The following C8orf34 variants were observed in gnomAD, a reference collection of about 807,000 sequenced individuals.
C8orf34 encodes the protein chromosome 8 open reading frame 34, also known as uncharacterized protein C8orf34.
In C8orf34, 65 loss-of-function variants were observed where a neutral mutation model predicts 68.3. The observed-to-expected ratio is 0.95, with a 90% CI of 0.78 to 1.17. The LOEUF (loss-of-function observed/expected upper bound fraction) is 1.17. C8orf34 is among the 50% of genes most tolerant of loss of function. The pLI is 0.00. For missense variants in C8orf34, 664 were observed against 655.4 expected (o/e 1.01, Z -0.14); for synonymous variants, 244 against 241.2 (o/e 1.01, Z -0.11).
chr8:68,330,620 A>T (rs1262733394), upstream of C8orf34: 1 of 177,872 alleles, frequency 5.6e-6, no homozygotes, highest in Non-Finnish European at 1.2e-5. Flanking sequence ...GCTGCCAAGG[A>T]GTAGCCAACA....
rs1314388475 is a variant in C8orf34 at position 68,787,561 on chromosome 8, A to G, written c.1549+25A>G. ...CGTGAGTAGACACTATTGTTTATTGACAAATTTCTTTTACCAGAAGGAAAT... is the reference window on the plus strand; with the variant it reads ...CGTGAGTAGACACTATTGTTTATTGGCAAATTTCTTTTACCAGAAGGAAAT... On this transcript the variant is annotated intron_variant, in intron 12 of 13. Coordinates refer to ENST00000518698, the MANE Select transcript of C8orf34 (RefSeq NM_052958.4). 5.3e-6 allele frequency: 8 copies of G among 1,515,500 alleles called. No individual in the cohort carries two copies. The African/African-American group carries it at 9.7e-5, about 18-fold the overall frequency. The allele number at this position is 1,515,500 out of a possible 1,614,324, so 93.9% of individuals were successfully genotyped here. A position where few individuals can be genotyped will look rare whatever the true frequency, so the allele number is the denominator to read the frequency against.
intron 5 of C8orf34, among the ~76,000 whole-genome samples, chr8:68,498,554 G>A (rs1282358323): frequency 3.9e-5 from 6 of 152,080 alleles, no homozygotes; most frequent in African/African-American, 1.2e-4. Context: ...TTTAGTAATC[G>A]TGTTGTTAAT....
At chr8:68,349,309 A>G (rs183941341) in intron 1 of C8orf34, among the ~76,000 whole-genome samples, 70 of 152,236 alleles carry the variant, frequency 4.6e-4, no homozygotes, top group African/African-American at 1.6e-3. Context: ...CCAGCTTTGC[A>G]TCCTAGGGAT....
intron 3 of C8orf34, among the ~76,000 whole-genome samples, chr8:68,451,292 G>A (rs899483518): frequency 3.9e-5 from 6 of 152,054 alleles, no homozygotes; most frequent in Non-Finnish European, 8.8e-5. Flanking sequence ...TCAGCAATAA[G>A]CTTCTTTCAC....
intron 8 of C8orf34, chr8:68,695,559 T>A (rs768888198): frequency 2.6e-5 from 4 of 152,162 alleles, no homozygotes; most frequent in African/African-American, 4.8e-5. Context: ...TCTGGGCTAC[T>A]GAAATACAGA....
intron 1 of C8orf34, among the ~76,000 whole-genome samples, chr8:68,431,688 A>G (rs1806229902): frequency 6.6e-6 from 1 of 152,232 alleles, no homozygotes; most frequent in African/African-American, 2.4e-5. Flanking sequence ...ACCTGAGAAG[A>G]CATCTCTGTA....
At chr8:68,721,478 C>G in intron 10 of C8orf34, 41 bp downstream of exon 10, 1 of 1,310,008 alleles carries the variant, frequency 7.6e-7, no homozygotes, top group South Asian at 1.3e-5. Context: ...ATTGCTAAAA[C>G]TAATTTAAAT....
chr8:68,401,144 A>T (rs940740451), intron 1 of C8orf34, among the ~76,000 whole-genome samples: 2 of 150,000 alleles, frequency 1.3e-5, no homozygotes. Flanking sequence ...GCTATTGTAA[A>T]TGTGAATGCC....
intron 11 of C8orf34, among the ~76,000 whole-genome samples, chr8:68,787,171 T>A (rs529282012): frequency 3.9e-5 from 6 of 152,334 alleles, no homozygotes; most frequent in South Asian, 4.1e-4. Context: ...AGTGTCAACA[T>A]TTCCATAAAA....
rs56249389 is a variant in C8orf34, at chr8:68,448,974, C to T, written c.607+2514C>T. On this transcript the variant is annotated intron_variant, in intron 3 of 13. Transcript: ENST00000518698. ...GACATCATAATACTAAAGCGTTATG[C>T]ACCCAATAACAGAAGTTTCTCAATA... Among the ~76,000 whole-genome samples, 717 of 152,102 alleles carry T rather than the reference C, an allele frequency of 4.7e-3. 3 individuals are homozygous for T. The highest frequency in any genetic ancestry group is 0.031 in the Middle Eastern group (9 of 294).
At chr8:68,727,205 G>T (rs1288238343) in intron 10 of C8orf34, among the ~76,000 whole-genome samples, 1 of 152,154 alleles carries the variant, frequency 6.6e-6, no homozygotes, top group East Asian at 1.9e-4. Flanking sequence ...AAACAAAGGG[G>T]TTACAGGGCC....
intron 12 of C8orf34, among the ~76,000 whole-genome samples, chr8:68,796,152 G>A (rs1259739021): frequency 6.6e-6 from 1 of 152,144 alleles, no homozygotes; most frequent in Non-Finnish European, 1.5e-5. Flanking sequence ...TTGACATACG[G>A]CAAGTTAAAA....
intron 1 of C8orf34, among the ~76,000 whole-genome samples, chr8:68,358,825 C>T (rs1280500349): frequency 6.6e-6 from 1 of 151,876 alleles, no homozygotes; most frequent in African/African-American, 2.4e-5. Flanking sequence ...TGTGCCTCAG[C>T]CTCCTGAGTG....
intron 7 of C8orf34, among the ~76,000 whole-genome samples, chr8:68,624,544 A>G (rs889836749): frequency 1.3e-5 from 2 of 152,154 alleles, no homozygotes; most frequent in Non-Finnish European, 2.9e-5. Context: ...AACCCTTTAG[A>G]CTTTCTAAGG....
At chr8:68,361,740 A>C (rs1426469321) in intron 1 of C8orf34, among the ~76,000 whole-genome samples, 1 of 152,162 alleles carries the variant, frequency 6.6e-6, no homozygotes, top group Non-Finnish European at 1.5e-5. Context: ...CAAATATTTA[A>C]TTTATAGTAA....
At chr8:68,763,755 C>T (rs1466829295) in intron 10 of C8orf34, among the ~76,000 whole-genome samples, 3 of 152,158 alleles carry the variant, frequency 2.0e-5, no homozygotes, top group Non-Finnish European at 4.4e-5. Context: ...TTGTAATAAT[C>T]CTCATTCATT....
At chr8:68,466,499 C>A (rs1019868700) in intron 3 of C8orf34, among the ~76,000 whole-genome samples, 2 of 137,590 alleles carry the variant, frequency 1.5e-5, no homozygotes, top group African/African-American at 5.2e-5. Context: ...TCATGTATAC[C>A]TTATATATTT....
chr8:68,770,378 T>G (rs2129528340), intron 10 of C8orf34, among the ~76,000 whole-genome samples: 1 of 152,362 alleles, frequency 6.6e-6, no homozygotes, highest in Non-Finnish European at 1.5e-5. Context: ...ATAATATTAT[T>G]TATTGACATA....
intron 7 of C8orf34, among the ~76,000 whole-genome samples, chr8:68,536,753 G>T (rs1230201294): frequency 6.6e-6 from 1 of 151,998 alleles, no homozygotes; most frequent in Non-Finnish European, 1.5e-5. Context: ...TTCCAAAGAT[G>T]CTAAAAAGGA....
Sources: allele counts gnomAD v4.1 joint callset (sites outside exome capture counted in the v4.1 genomes callset), GRCh38; gene constraint gnomAD v4.1.1; transcripts MANE v1.5; gene names NCBI Gene and HGNC (gene_info 2026-07-23, HGNC 2026-07-21).